PRKG1: variants seen among roughly 807,000 people sequenced by gnomAD.
PRKG1 encodes cGMP-dependent protein kinase 1.
PRKG1 carries 35 observed loss-of-function variants against 88.1 expected under a neutral mutation model. That is an observed-to-expected ratio of 0.40 (90% CI 0.30 to 0.53). The LOEUF is 0.53. Ranked by LOEUF, PRKG1 falls within the 20% of genes least tolerant of loss-of-function variation. The pLI is 0.59. For synonymous variants in PRKG1, 303 were observed against 292.5 expected (o/e 1.04, Z -0.37); for missense variants, 540 against 839.8 (o/e 0.64, Z 4.41).
At position 51,549,120 on chromosome 10, in the gene PRKG1, C is replaced by CTTT. The variant is rs56045527; in HGVS notation, c.592+81303_592+81305dup. Among the ~76,000 whole-genome samples the CTTT allele has an allele frequency of 4.0e-3, 281 of 70,328 alleles. 28 individuals are homozygous for CTTT. The highest frequency in any genetic ancestry group is 0.012 in the Middle Eastern group (1 of 84). 46.1% of individuals were successfully genotyped at this position (70,328 alleles called of 152,430 possible). A position where few individuals can be genotyped will look rare whatever the true frequency, so the allele number is the denominator to read the frequency against. ...TTCTTTCCTTTCTTTCTTTTCTTTTCTTTTTTTTTTTTTTTTTTTTTGAGA... is the reference window on the plus strand; with the variant it reads ...TTCTTTCCTTTCTTTCTTTTCTTTTCTTTTTTTTTTTTTTTTTTTTTTTTGAGA... On this transcript the variant is annotated intron_variant, in intron 3 of 17. Coordinates refer to ENST00000373980, the MANE Select transcript of PRKG1 (RefSeq NM_006258.4).
At chr10:51,827,159 G>A (rs1839899408) in intron 4 of PRKG1, among the ~76,000 whole-genome samples, 1 of 152,104 alleles carries the variant, frequency 6.6e-6, no homozygotes, top group Non-Finnish European at 1.5e-5. Flanking sequence ...TATTATCTCA[G>A]TATTCGGATG....
intron 2 of PRKG1, among the ~76,000 whole-genome samples, chr10:51,313,233 C>T (rs552947346): frequency 2.6e-5 from 4 of 152,180 alleles, no homozygotes; most frequent in African/African-American, 9.6e-5. Flanking sequence ...GGGCCATAAC[C>T]TGAAAATCTG....
At chr10:51,105,825 A>G (rs12415785) in intron 1 of PRKG1, among the ~76,000 whole-genome samples, 33,636 of 152,210 alleles carry the variant, frequency 0.22, 3,866 homozygotes, top group Admixed American at 0.27. Flanking sequence ...AACATTAAAC[A>G]TAAACTAAAC....
chr10:52,129,374 T>G (rs911001366), intron 7 of PRKG1, among the ~76,000 whole-genome samples: 3 of 152,224 alleles, frequency 2.0e-5, no homozygotes, highest in Non-Finnish European at 4.4e-5. Flanking sequence ...CACAGTGTTG[T>G]CAGCTTCTAT....
intron 5 of PRKG1, among the ~76,000 whole-genome samples, chr10:51,961,440 C>T (rs1470409181): frequency 1.3e-5 from 2 of 152,072 alleles, no homozygotes; most frequent in South Asian, 2.1e-4. Flanking sequence ...CCATGTTGCT[C>T]GAGTCAACTG....
intron 3 of PRKG1, among the ~76,000 whole-genome samples, chr10:51,478,514 C>T (rs74806276): frequency 6.6e-6 from 1 of 151,962 alleles, no homozygotes; most frequent in African/African-American, 2.4e-5. Context: ...ATTTTATATC[C>T]TTAATTTATA....
intron 2 of PRKG1, among the ~76,000 whole-genome samples, chr10:51,280,808 G>A (rs199996248): frequency 3.3e-5 from 5 of 152,118 alleles, no homozygotes; most frequent in Admixed American, 6.6e-5. Flanking sequence ...CGATGGGTTC[G>A]AACTTCCTCC....
At chr10:51,192,692 A>G (rs951316064) in intron 2 of PRKG1, among the ~76,000 whole-genome samples, 7 of 152,024 alleles carry the variant, frequency 4.6e-5, no homozygotes, top group Admixed American at 3.3e-4. Context: ...TTATTAACCC[A>G]AATTAACTTC....
chr10:51,477,739 CATTTGCCGAACCTGAGGAACTAAG>C (rs2132838691), intron 3 of PRKG1, among the ~76,000 whole-genome samples: 1 of 152,078 alleles, frequency 6.6e-6, no homozygotes, highest in South Asian at 2.1e-4. Context: ...GAACTTTCGT[CATTTGCCGAACCTGAGGAACTAAG>C]AGCACAATTT....
At chr10:51,392,607 C>T (rs1180372610) in intron 2 of PRKG1, among the ~76,000 whole-genome samples, 2 of 151,658 alleles carry the variant, frequency 1.3e-5, no homozygotes, top group Non-Finnish European at 3.0e-5. Flanking sequence ...TCCACAAAAC[C>T]GCCATTGTCA....
intron 3 of PRKG1, among the ~76,000 whole-genome samples, chr10:51,617,593 C>T (rs1338695399): frequency 6.6e-6 from 1 of 152,148 alleles, no homozygotes; most frequent in Admixed American, 6.5e-5. Flanking sequence ...TTTACAATTG[C>T]CTACAGTATT....
At chr10:52,180,718 C>T (rs1430663978) in intron 9 of PRKG1, among the ~76,000 whole-genome samples, 2 of 152,172 alleles carry the variant, frequency 1.3e-5, no homozygotes, top group African/African-American at 2.4e-5. Context: ...GTAACTTTGC[C>T]AGACATCGGC....
At chr10:51,987,458 CTTTT>C (rs56252793) in intron 5 of PRKG1, among the ~76,000 whole-genome samples, 1 of 139,216 alleles carries the variant, frequency 7.2e-6, no homozygotes, top group East Asian at 2.1e-4. Context: ...CTACTCATTA[CTTTT>C]TTTTTTTTTT....
intron 1 of PRKG1, among the ~76,000 whole-genome samples, chr10:51,111,986 ATTG>A (rs1485254164): frequency 2.0e-5 from 3 of 152,096 alleles, no homozygotes; most frequent in Non-Finnish European, 4.4e-5. Context: ...GCCTATCTGA[ATTG>A]TTGTAGTTTT....
chr10:51,082,578 A>G (rs1385855212), intron 1 of PRKG1, among the ~76,000 whole-genome samples: 3 of 152,148 alleles, frequency 2.0e-5, no homozygotes, highest in African/African-American at 7.2e-5. Context: ...GGAAGATGAC[A>G]AGAGGAGTGT....
At chr10:51,027,358 T>C (rs1333588912) in intron 1 of PRKG1, among the ~76,000 whole-genome samples, 1 of 152,216 alleles carries the variant, frequency 6.6e-6, no homozygotes, top group Non-Finnish European at 1.5e-5. Flanking sequence ...CTTTGAAAGA[T>C]TAGCATCCCA....
intron 4 of PRKG1, among the ~76,000 whole-genome samples, chr10:51,821,740 A>G (rs1839751987): frequency 6.6e-6 from 1 of 152,122 alleles, no homozygotes. Context: ...GAACTAATAC[A>G]TATACAAAAT....
At chr10:52,017,993 A>T (rs560275479) in intron 5 of PRKG1, among the ~76,000 whole-genome samples, 44 of 152,062 alleles carry the variant, frequency 2.9e-4, no homozygotes, top group African/African-American at 1.0e-3. Context: ...GGCTGGAGAC[A>T]CTCACATTAA....
At chr10:51,611,576 G>A (rs995457096) in intron 3 of PRKG1, among the ~76,000 whole-genome samples, 1 of 151,298 alleles carries the variant, frequency 6.6e-6, no homozygotes, top group Non-Finnish European at 1.5e-5. Flanking sequence ...CGTTTCAAGA[G>A]GTTGCCCCTT....
Sources: allele counts gnomAD v4.1 joint callset (sites outside exome capture counted in the v4.1 genomes callset), GRCh38; gene constraint gnomAD v4.1.1; transcripts MANE v1.5; gene names NCBI Gene and HGNC (gene_info 2026-07-23, HGNC 2026-07-21).